KNL1: variants seen among roughly 807,000 people sequenced by gnomAD.
KNL1 encodes the protein kinetochore scaffold 1.
In KNL1, 66 loss-of-function variants were observed where a neutral mutation model predicts 201.3. The ratio of observed to expected loss-of-function variants is 0.33; its 90% CI spans 0.27 to 0.40. The LOEUF (loss-of-function observed/expected upper bound fraction) is 0.40. Ranked by LOEUF, KNL1 falls within the 10% of genes least tolerant of loss-of-function variation. The pLI is 1.00. For synonymous variants in KNL1, 895 were observed against 899.2 expected (o/e 1.00, Z 0.08); for missense variants, 2,815 against 2,690.5 (o/e 1.05, Z -1.02).
At chr15:40,608,745 C>T (rs944773888) in intron 4 of KNL1, 102 bp from the exon 5 acceptor site, 1 of 507,738 alleles carries the variant, frequency 2.0e-6, no homozygotes, top group Non-Finnish European at 3.1e-6. Context: ...AACTCCATCT[C>T]AAAAAAAAAA....
rs755486782 is a variant in KNL1, at chr15:40,610,254, G to C, written c.207G>C (p.Gln69His). The change falls in exon 6 of 26, where the codon CAG (glutamine) becomes CAC (histidine). Residue 69 changes from glutamine to histidine, a missense_variant. Gln to His is a conservative substitution (Grantham distance 24, BLOSUM62 0). Transcript: ENST00000399668. Reference sequence around the variant, plus strand: ...TTATTTTCTCTTCTAGGGTATTCCAGACGGAGTCTCATATGAAAATAGTGA... The same window carrying C: ...TTATTTTCTCTTCTAGGGTATTCCACACGGAGTCTCATATGAAAATAGTGA... Reference protein sequence around the residue: ...VSFADTIKVFQTESHMKIVRK... With the variant: ...VSFADTIKVFHTESHMKIVRK... The C allele has an allele frequency of 2.0e-6, 3 of 1,493,584 alleles. No homozygotes were observed. Among genetic ancestry groups the C allele is most frequent in the Non-Finnish European group, 2.8e-6 (3 of 1,071,636 alleles). The allele number at this position is 1,493,584 out of a possible 1,614,324, so 92.5% of individuals were successfully genotyped here.
At chr15:40,646,765 G>A in intron 16 of KNL1, 1 of 287,262 alleles carries the variant, frequency 3.5e-6, no homozygotes, top group Non-Finnish European at 6.5e-6. Flanking sequence ...GCTGAGGCAG[G>A]AGAATGGCAT....
chr15:40,658,543 AAAAG>A (rs1297013493), intron 24 of KNL1, among the ~76,000 whole-genome samples: 54 of 112,758 alleles, frequency 4.8e-4, no homozygotes, highest in Non-Finnish European at 8.3e-4. Flanking sequence ...AAAAAAAAAA[AAAAG>A]AGAGAATCTG....
At position 40,622,690 on chromosome 15, in the gene KNL1, G is replaced by T; in HGVS notation, c.2426G>T (p.Gly809Val). 6.3e-7 allele frequency: 1 copy of T among 1,591,284 alleles called. No homozygotes were observed. The highest frequency in any genetic ancestry group is 8.5e-7 in the Non-Finnish European group (1 of 1,171,512). ...RQIAVKVEKC[G>V]KSPIEKSGVL... ...ATAGCTGTAAAAGTTGAAAAATGTGGTAAAAGTCCCATAGAAAAAAGTGGA... is the reference window on the plus strand; with the variant it reads ...ATAGCTGTAAAAGTTGAAAAATGTGTTAAAAGTCCCATAGAAAAAAGTGGA... The change falls in exon 10 of 26, where the codon GGT (glycine) becomes GTT (valine). Residue 809 changes from glycine to valine, a missense_variant. Physicochemically the swap from Gly to Val is moderately radical, Grantham distance 109. Around this residue, in one of 3 missense-constraint regions of KNL1, gnomAD observed 2,464 missense variants for 2,291.7 expected, o/e 1.08. Transcript: ENST00000399668.
rs572651519 is a variant in KNL1, at chr15:40,603,043, A to G, written c.35+77A>G. ...TTTTTCTAATTAGTAAGACCTATCC[A>G]TAACTTCTGAGATCTTTTTCCATTG... is the stretch of plus-strand genomic sequence containing the variant. On this transcript the variant is annotated intron_variant, in intron 2 of 25. Transcript: ENST00000399668. 833 of 909,292 alleles carry G rather than the reference A, an allele frequency of 9.2e-4. 2 individuals carry two copies. The highest frequency in any genetic ancestry group is 1.4e-3 in the Middle Eastern group (4 of 2,890). 56.3% of individuals were successfully genotyped at this position (909,292 alleles called of 1,614,324 possible).
intron 24 of KNL1, among the ~76,000 whole-genome samples, chr15:40,658,780 A>T (rs1184789034): frequency 4.0e-5 from 6 of 150,348 alleles, no homozygotes; most frequent in Non-Finnish European, 8.9e-5. Context: ...AAATACAAAA[A>T]TTAGCTGGGC....
chr15:40,608,521 C>A (rs8038416), intron 4 of KNL1, among the ~76,000 whole-genome samples: 1 of 151,134 alleles, frequency 6.6e-6, no homozygotes, highest in Non-Finnish European at 1.5e-5. Flanking sequence ...CGAGGTGGGC[C>A]GATCACCTGA....
intron 25 of KNL1, among the ~76,000 whole-genome samples, chr15:40,660,076 T>C (rs1236082917): frequency 6.6e-6 from 1 of 151,846 alleles, no homozygotes; most frequent in Non-Finnish European, 1.5e-5. Flanking sequence ...CACACCTAGC[T>C]AATTTTTGCA....
At chr15:40,595,813 A>T (rs73394722) in intron 1 of KNL1, among the ~76,000 whole-genome samples, 1 of 152,152 alleles carries the variant, frequency 6.6e-6, no homozygotes, top group East Asian at 1.9e-4. Context: ...AATAACTACT[A>T]TATTGGACAG....
Position 40,624,109 on chromosome 15 carries a change from G to A in KNL1, c.3845G>A (p.Arg1282Lys), listed in dbSNP as rs527767021. ...VESCQLNNRD[R>K]RNVDFTSSHA... is the part of the protein sequence containing the mutation. ...AGCTGTCAGTTAAATAATAGAGATA[G>A]AAGAAATGTGGACTTTACAAGTAGT... Residue 1282 changes from arginine to lysine, a missense_variant, in exon 10 of 26, where the codon AGA becomes AAA. Physicochemically the swap from Arg to Lys is conservative, Grantham distance 26. Around this residue, in one of 3 missense-constraint regions of KNL1, gnomAD observed 2,464 missense variants for 2,291.7 expected, o/e 1.08. Transcript: ENST00000399668. 6.2e-7 allele frequency: 1 copy of A among 1,614,030 alleles called. No individual in the cohort carries two copies. The highest frequency in any genetic ancestry group is 1.3e-5 in the African/African-American group (1 of 75,034).
In KNL1 at chr15:40,622,712, T is replaced by C; in HGVS notation, c.2448T>C (p.Ser816=). 1 of 1,590,486 alleles carries C rather than the reference T, an allele frequency of 6.3e-7. No individual in the cohort carries two copies. The part of the protein sequence containing the change: ...EKCGKSPIEK[S]GVLKSNCIMD... ...GTGGTAAAAGTCCCATAGAAAAAAG[T>C]GGAGTGCTTAAATCTAACTGTATTA... Residue 816 remains serine (S), a synonymous_variant, in exon 10 of 26, where the codon AGT becomes AGC. Coordinates refer to ENST00000399668, the MANE Select transcript of KNL1 (RefSeq NM_144508.5).
chr15:40,634,258 C>T (rs2141738128), intron 13 of KNL1, among the ~76,000 whole-genome samples: 1 of 152,280 alleles, frequency 6.6e-6, no homozygotes, highest in South Asian at 2.1e-4. Flanking sequence ...AGGCACATGC[C>T]ACCACACCTG....
At chr15:40,650,240 C>T (rs1893513084) in intron 17 of KNL1, 61 bp from the exon 18 acceptor site, 3 of 1,037,482 alleles carry the variant, frequency 2.9e-6, no homozygotes, top group African/African-American at 1.6e-5. Flanking sequence ...TTTTTCCTTA[C>T]TTTGTTTTCT....
At position 40,662,233 on chromosome 15, in the gene KNL1, A is replaced by G. The variant is rs773668872; in HGVS notation, c.*45A>G. ...AACAACCAAGCAGAATGTACTTGAT[A>G]TTATTTCAGGGTCCCATTGCTGTTC... On this transcript the variant is annotated 3_prime_UTR_variant, in exon 26 of 26. Coordinates refer to ENST00000399668, the MANE Select transcript of KNL1 (RefSeq NM_144508.5). 2.5e-5 allele frequency: 27 copies of G among 1,101,028 alleles called. No homozygotes were observed. The highest frequency in any genetic ancestry group is 3.5e-5 in the Non-Finnish European group (25 of 717,916). 68.2% of individuals were successfully genotyped at this position (1,101,028 alleles called of 1,614,324 possible).
At chr15:40,651,121 A>G (rs1036484118) in intron 19 of KNL1, among the ~76,000 whole-genome samples, 5 of 151,840 alleles carry the variant, frequency 3.3e-5, no homozygotes, top group African/African-American at 1.2e-4. Flanking sequence ...AGTATATCTT[A>G]TGATCTACAT....
chr15:40,598,033 G>C (rs1277606607), intron 1 of KNL1, among the ~76,000 whole-genome samples: 1 of 152,086 alleles, frequency 6.6e-6, no homozygotes, highest in Non-Finnish European at 1.5e-5. Flanking sequence ...AGCTGGGCGT[G>C]GTGGCAGGCG....
In KNL1 at chr15:40,640,908, C is replaced by G. The variant is rs1024674434; in HGVS notation, c.5683-4C>G. 3 of 1,574,152 alleles carry G rather than the reference C, an allele frequency of 1.9e-6. No homozygotes were observed. The African/African-American group carries it at 4.1e-5, about 22-fold the overall frequency. ...GTTCTCAGGGACTGAATTTTTTTTT[C>G]CAGTTTACTGTAAACACACCACCTA... On this transcript the variant is annotated splice_polypyrimidine_tract_variant and splice_region_variant and intron_variant, in intron 13 of 25. Transcript: ENST00000399668.
chr15:40,629,116 T>C (rs1161204919), intron 12 of KNL1, among the ~76,000 whole-genome samples, 157 bp from the exon 13 acceptor site: 1 of 152,214 alleles, frequency 6.6e-6, no homozygotes, highest in East Asian at 1.9e-4. Context: ...TAAGAAATGA[T>C]CTTAGATAAA....
At position 40,623,571 on chromosome 15, in the gene KNL1, G is replaced by A; in HGVS notation, c.3307G>A (p.Glu1103Lys). ...MVEIDNESAL[E>K]DKEDFHLAGA... Reference sequence around the variant, plus strand: ...GGAAATAGATAACGAAAGTGCCCTGGAGGATAAAGAGGACTTCCATTTGGC... The same window carrying A: ...GGAAATAGATAACGAAAGTGCCCTGAAGGATAAAGAGGACTTCCATTTGGC... The change falls in exon 10 of 26, where the codon GAG becomes AAG. Residue 1103 changes from glutamate to lysine, a missense_variant. Physicochemically the swap from Glu to Lys is moderately conservative, Grantham distance 56. This residue lies in a region of KNL1 where 2,464 missense variants were observed against 2,291.7 expected (regional missense o/e 1.08). Coordinates refer to ENST00000399668, the MANE Select transcript of KNL1 (RefSeq NM_144508.5). The A allele has an allele frequency of 6.2e-7, 1 of 1,613,666 alleles. No homozygotes were observed.
Sources: gnomAD v4.1 joint callset for allele counts (sites outside exome capture counted in the v4.1 genomes callset) on GRCh38, gnomAD v4.1.1 for gene constraint, gnomAD v4.1.1 regional missense constraint, MANE v1.5 for transcripts, NCBI Gene and HGNC (gene_info 2026-07-23, HGNC 2026-07-21) for gene names.